Variants in JAZF1 observed in about 807,000 individuals in gnomAD.
JAZF1 encodes the protein juxtaposed with another zinc finger protein 1.
JAZF1 carries 8 observed loss-of-function variants against 26.4 expected under a neutral mutation model. The observed-to-expected ratio is 0.30, with a 90% confidence interval of 0.18 to 0.55. The LOEUF is 0.55. Ranked by LOEUF, JAZF1 falls within the 20% of genes least tolerant of loss-of-function variation. The probability of loss-of-function intolerance (pLI) is 0.94; values close to 1 mark genes in which losing one functional copy is unlikely to be tolerated. For missense variants in JAZF1, 199 were observed against 322.0 expected (o/e 0.62, Z 2.92); for synonymous variants, 126 against 122.3 (o/e 1.03, Z -0.20).
chr7:28,010,027 C>G (rs1036655959), intron 1 of JAZF1, among the ~76,000 whole-genome samples: 3 of 152,176 alleles, frequency 2.0e-5, no homozygotes, highest in African/African-American at 7.2e-5. Flanking sequence ...TCAAACTCAT[C>G]TCTAGTTCTC....
intron 1 of JAZF1, chr7:27,992,277 T>C: frequency 2.0e-6 from 1 of 497,574 alleles, no homozygotes; most frequent in Non-Finnish European, 4.0e-6. Context: ...ACAGTTACAA[T>C]GTTGGCATGG....
chr7:28,166,552 G>A (rs1173114267), intron 1 of JAZF1, among the ~76,000 whole-genome samples: 1 of 152,056 alleles, frequency 6.6e-6, no homozygotes, highest in Non-Finnish European at 1.5e-5. Context: ...ATCATCTCTT[G>A]TTTTTTCCAT....
chr7:27,871,021 C>T (rs1783571849), intron 3 of JAZF1, among the ~76,000 whole-genome samples: 1 of 152,154 alleles, frequency 6.6e-6, no homozygotes, highest in Non-Finnish European at 1.5e-5. Flanking sequence ...GATGCAGTTT[C>T]ATGAATAGAG....
intron 1 of JAZF1, among the ~76,000 whole-genome samples, chr7:28,049,604 T>C (rs985824487): frequency 5.9e-5 from 9 of 152,132 alleles, no homozygotes; most frequent in African/African-American, 1.4e-4. Flanking sequence ...CAGATGCCAA[T>C]TGAAAGCCCA....
chr7:27,963,248 G>A (rs1469882296), intron 2 of JAZF1, among the ~76,000 whole-genome samples: 1 of 152,086 alleles, frequency 6.6e-6, no homozygotes, highest in Non-Finnish European at 1.5e-5. Context: ...TTAGGAGTAT[G>A]GTAATAATCA....
chr7:27,942,591 T>G (rs955459324), intron 2 of JAZF1, among the ~76,000 whole-genome samples: 1 of 152,138 alleles, frequency 6.6e-6, no homozygotes, highest in Non-Finnish European at 1.5e-5. Context: ...AGAAGAAAGG[T>G]TAAACGACTT....
intron 1 of JAZF1, among the ~76,000 whole-genome samples, chr7:28,128,940 G>A (rs945929864): frequency 6.6e-6 from 1 of 152,138 alleles, no homozygotes; most frequent in Non-Finnish European, 1.5e-5. Context: ...TTCTGACTGG[G>A]AGAGAAGTAA....
intron 2 of JAZF1, among the ~76,000 whole-genome samples, chr7:27,939,131 G>A (rs1167591534): frequency 6.6e-6 from 1 of 152,106 alleles, no homozygotes; most frequent in Non-Finnish European, 1.5e-5. Flanking sequence ...TGAGGTCTAC[G>A]GAGCACAGAG....
At chr7:27,875,661 C>A (rs978245987) in intron 3 of JAZF1, among the ~76,000 whole-genome samples, 6 of 152,208 alleles carry the variant, frequency 3.9e-5, no homozygotes, top group African/African-American at 1.4e-4. Flanking sequence ...AGGTGCCTGC[C>A]CTGCATGGGC....
intron 2 of JAZF1, among the ~76,000 whole-genome samples, chr7:27,926,714 G>C (rs1022531209): frequency 4.6e-5 from 7 of 152,226 alleles, no homozygotes; most frequent in African/African-American, 1.7e-4. Flanking sequence ...AGGACACTGA[G>C]GAATGGAGGC....
At chr7:27,989,909 C>T (rs370029981) in intron 2 of JAZF1, among the ~76,000 whole-genome samples, 5 of 152,308 alleles carry the variant, frequency 3.3e-5, no homozygotes, top group African/African-American at 7.2e-5. Flanking sequence ...AGAAATACCA[C>T]TTGACCCAGC....
At chr7:28,097,205 C>T (rs1784400577) in intron 1 of JAZF1, among the ~76,000 whole-genome samples, 1 of 152,176 alleles carries the variant, frequency 6.6e-6, no homozygotes, top group Admixed American at 6.5e-5. Flanking sequence ...TGGCTCCCAC[C>T]ACTGCATTTG....
At chr7:27,854,277 G>A (rs1447360141) in intron 3 of JAZF1, among the ~76,000 whole-genome samples, 1 of 152,146 alleles carries the variant, frequency 6.6e-6, no homozygotes, top group Non-Finnish European at 1.5e-5. Context: ...TGCACGAGAT[G>A]GGTCTCCCGA....
chr7:28,124,196 G>C (rs552297270), intron 1 of JAZF1, among the ~76,000 whole-genome samples: 1 of 152,308 alleles, frequency 6.6e-6, no homozygotes, highest in Non-Finnish European at 1.5e-5. Flanking sequence ...AGGACACACA[G>C]AGAGACCCCA....
intron 1 of JAZF1, among the ~76,000 whole-genome samples, chr7:28,138,848 A>G (rs1782923265): frequency 6.6e-6 from 1 of 152,228 alleles, no homozygotes; most frequent in Non-Finnish European, 1.5e-5. Context: ...CTCAGTTTAC[A>G]TATTTATAAA....
intron 1 of JAZF1, among the ~76,000 whole-genome samples, chr7:28,086,514 G>T (rs559289688): frequency 6.6e-6 from 1 of 152,192 alleles, no homozygotes; most frequent in African/African-American, 2.4e-5. Flanking sequence ...TTCACTGCCT[G>T]TCACAGTGGT....
At chr7:28,081,224 T>C (rs1294233902) in intron 1 of JAZF1, among the ~76,000 whole-genome samples, 1 of 152,158 alleles carries the variant, frequency 6.6e-6, no homozygotes, top group Non-Finnish European at 1.5e-5. Context: ...TACTCTTCAG[T>C]AAGCCTGGAA....
intron 1 of JAZF1, among the ~76,000 whole-genome samples, chr7:28,163,345 G>A (rs1019778835): frequency 1.3e-5 from 2 of 152,172 alleles, no homozygotes; most frequent in African/African-American, 4.8e-5. Flanking sequence ...GTTCCCAACT[G>A]GCTGGGCTGT....
intron 1 of JAZF1, among the ~76,000 whole-genome samples, chr7:28,108,488 C>T (rs560727791): frequency 1.1e-4 from 16 of 152,318 alleles, no homozygotes; most frequent in Admixed American, 9.1e-4. Flanking sequence ...TCTCTCTGCT[C>T]CTCTAACATT....
Sources: gnomAD v4.1 joint callset for allele counts (sites outside exome capture counted in the v4.1 genomes callset) on GRCh38, gnomAD v4.1.1 for gene constraint, MANE v1.5 for transcripts, NCBI Gene and HGNC (gene_info 2026-07-23, HGNC 2026-07-21) for gene names.